Variants in TMEM131 observed in about 807,000 individuals in gnomAD.
TMEM131 encodes the protein transmembrane protein 131.
Under a neutral mutation model 211.6 loss-of-function variants are expected in TMEM131, and 66 were observed. The observed-to-expected ratio is 0.31, with a 90% CI of 0.26 to 0.38. The LOEUF (loss-of-function observed/expected upper bound fraction) is 0.38, where lower values mean the gene tolerates loss of function less well. TMEM131 is among the 10% of genes least tolerant of loss of function. The pLI, the probability that TMEM131 is intolerant of heterozygous loss-of-function variation, is 1.00. For missense variants in TMEM131, 2,036 were observed against 2,299.3 expected (o/e 0.89, Z 2.34); for synonymous variants, 844 against 841.3 (o/e 1.00, Z -0.06).
Position 97,758,923 on chromosome 2 carries a change from G to A in TMEM131, c.5337C>T (p.Ala1779=). The change falls in exon 40 of 41, where the codon GCC becomes GCT. Residue 1779 remains alanine, a synonymous_variant. Transcript: ENST00000186436. Reference sequence around the variant, plus strand: ...CTGTGTGGGTCGGGGAGCCGGAACTGGCTGGCCAGGAAGGACTGGGATCTG... The same window carrying A: ...CTGTGTGGGTCGGGGAGCCGGAACTAGCTGGCCAGGAAGGACTGGGATCTG... ...PATDPSPSWP[A]SSGSPTHTAT... The A allele has an allele frequency of 6.2e-7, 1 of 1,613,568 alleles. No homozygotes were observed. Among genetic ancestry groups the A allele is most frequent in the South Asian group, 1.1e-5 (1 of 91,050 alleles).
In TMEM131 at chr2:97,809,719, G is replaced by C. The variant is rs757387563; in HGVS notation, c.2024C>G (p.Pro675Arg). ...VIAVGSLTCFPKHVVLPPSFP... is the reference protein window; with the variant it reads ...VIAVGSLTCFRKHVVLPPSFP... Reference sequence around the variant, plus strand: ...GGAAGGTGGAAGAACCACGTGCTTAGGGAAGCAGGTCAGTGAGCCTACTGC... The same window carrying C: ...GGAAGGTGGAAGAACCACGTGCTTACGGAAGCAGGTCAGTGAGCCTACTGC... Residue 675 changes from proline to arginine, a missense_variant, in exon 19 of 41, where the codon CCT (proline) becomes CGT (arginine). Physicochemically the swap from Pro to Arg is moderately radical, Grantham distance 103. Around this residue, in one of 3 missense-constraint regions of TMEM131, gnomAD observed 1,623 missense variants for 1,805.9 expected, o/e 0.90. Transcript: ENST00000186436. 28 of 1,610,850 alleles carry C rather than the reference G, an allele frequency of 1.7e-5. No homozygotes were observed. The highest frequency in any genetic ancestry group is 3.4e-5 in the Admixed American group (2 of 59,688).
At chr2:97,976,294 T>C (rs991844906) in intron 1 of TMEM131, among the ~76,000 whole-genome samples, 6 of 152,166 alleles carry the variant, frequency 3.9e-5, no homozygotes, top group Non-Finnish European at 8.8e-5. Context: ...CAATGCAATC[T>C]ACAGAAAAGC....
In TMEM131 at chr2:97,760,891, T is replaced by C. The variant is rs758951140; in HGVS notation, c.4913A>G (p.Asn1638Ser). The C allele has an allele frequency of 2.7e-5, 44 of 1,613,874 alleles. No homozygotes were observed. The South Asian group carries it at 3.3e-4, about 12-fold the overall frequency. Residue 1638 changes from asparagine to serine, a missense_variant, in exon 37 of 41, where the codon AAT becomes AGT. This residue lies in a region of TMEM131 where 1,623 missense variants were observed against 1,805.9 expected (regional missense o/e 0.90). Coordinates refer to ENST00000186436, the MANE Select transcript of TMEM131 (RefSeq NM_015348.2). The part of the protein sequence containing the change: ...SSSDPKIKQP[N>S]GSKHKLTKAA... ...CTTTGTCAACTTGTGTTTGCTTCCA[T>C]TTGGCTGTTTTATTTTAGGGTCACT... is the stretch of plus-strand genomic sequence containing the variant.
intron 1 of TMEM131, among the ~76,000 whole-genome samples, chr2:97,995,161 T>C (rs75740317): frequency 0.042 from 6,422 of 152,320 alleles, 235 homozygotes; most frequent in African/African-American, 0.096. Flanking sequence ...TGTCCTAAAA[T>C]GTACCTATTC....
chr2:97,865,666 G>A (rs536996458), intron 4 of TMEM131, among the ~76,000 whole-genome samples: 40 of 152,196 alleles, frequency 2.6e-4, no homozygotes, highest in South Asian at 2.1e-3. Context: ...GGATTTTTGC[G>A]TCTATATTCA....
intron 1 of TMEM131, among the ~76,000 whole-genome samples, chr2:97,966,015 T>C (rs867129166): frequency 3.3e-5 from 5 of 151,790 alleles, no homozygotes; most frequent in African/African-American, 1.2e-4. Flanking sequence ...AACAAAAAAA[T>C]TGAACAAAAG....
In TMEM131 at chr2:97,796,293, T is replaced by C. The variant is rs1250939186; in HGVS notation, c.3125A>G (p.Glu1042Gly). ...ETIEISGYSC[E>G]GYGFKVVNCQ... ...ATTAACAACTTTAAAGCCATATCCT[T>C]CACATGAGTATCCACTGATTTCAAT... Residue 1042 changes from glutamate (E) to glycine (G), a missense_variant, in exon 28 of 41, where the codon GAA (glutamate) becomes GGA (glycine). Transcript: ENST00000186436. 1.3e-6 allele frequency: 2 copies of C among 1,571,782 alleles called. No individual in the cohort carries two copies. The highest frequency in any genetic ancestry group is 1.7e-6 in the Non-Finnish European group (2 of 1,157,618).
chr2:97,807,308 G>A (rs1157336195), intron 19 of TMEM131, among the ~76,000 whole-genome samples: 1 of 152,164 alleles, frequency 6.6e-6, no homozygotes, highest in Non-Finnish European at 1.5e-5. Flanking sequence ...TGGAGGTGGG[G>A]CCCTATGGAA....
chr2:97,806,796 T>A (rs547639181), intron 19 of TMEM131, among the ~76,000 whole-genome samples: 8 of 152,296 alleles, frequency 5.3e-5, no homozygotes, highest in African/African-American at 1.9e-4. Context: ...ATATTTGGAA[T>A]AAAAAATACA....
At chr2:97,793,190 AT>A (rs1245214758) in intron 30 of TMEM131, 4 of 648,450 alleles carry the variant, frequency 6.2e-6, no homozygotes, top group Non-Finnish European at 5.1e-6. Flanking sequence ...AACTAAAAGT[AT>A]TTTAACCCTT....
At chr2:97,969,705 A>G (rs1679214459) in intron 1 of TMEM131, among the ~76,000 whole-genome samples, 1 of 152,238 alleles carries the variant, frequency 6.6e-6, no homozygotes, top group Admixed American at 6.5e-5. Flanking sequence ...AAATAAAACA[A>G]GTTGATGCAA....
intron 15 of TMEM131, among the ~76,000 whole-genome samples, chr2:97,813,284 G>A (rs1352172973): frequency 6.6e-6 from 1 of 152,162 alleles, no homozygotes; most frequent in East Asian, 1.9e-4. Flanking sequence ...ACTGAAGCAG[G>A]AGCGAGACAT....
chr2:97,916,246 C>A (rs1356540325), intron 2 of TMEM131, among the ~76,000 whole-genome samples: 1 of 152,224 alleles, frequency 6.6e-6, no homozygotes, highest in Non-Finnish European at 1.5e-5. Context: ...GCTATTTATT[C>A]TTCTTTTGTA....
rs374070116 is a variant in TMEM131 at position 97,813,991 on chromosome 2, C to T, written c.1597G>A (p.Val533Ile). Residue 533 changes from valine to isoleucine, a missense_variant, in exon 15 of 41, where the codon GTA becomes ATA. Val to Ile is a conservative substitution (Grantham distance 29). This residue lies in a region of TMEM131 where 1,623 missense variants were observed against 1,805.9 expected (regional missense o/e 0.90). Transcript: ENST00000186436. ...NASKFHLPVR[V>I]YTGFLDYFVL... ...CTTACATCTAAAAAGCCTGTGTATA[C>T]CCGCACGGGTAAATGAAATTTAGAA... 8.8e-6 allele frequency: 14 copies of T among 1,595,844 alleles called. No homozygotes were observed. The highest frequency in any genetic ancestry group is 1.2e-5 in the Non-Finnish European group (14 of 1,170,156).
rs777818194 is a variant in TMEM131 at position 97,793,375 on chromosome 2, T to C, written c.3545+20A>G. The C allele has an allele frequency of 3.1e-6, 5 of 1,597,988 alleles. No individual in the cohort carries two copies. The South Asian group carries it at 5.6e-5, about 18-fold the overall frequency. ...AAATCTATGTACACTAGGGAATTTATTGCCAGCATGTGAACATACTTTCCT... is the reference window on the plus strand; with the variant it reads ...AAATCTATGTACACTAGGGAATTTACTGCCAGCATGTGAACATACTTTCCT... On this transcript the variant is annotated intron_variant, in intron 30 of 40. Coordinates refer to ENST00000186436, the MANE Select transcript of TMEM131 (RefSeq NM_015348.2).
intron 3 of TMEM131, among the ~76,000 whole-genome samples, chr2:97,903,563 C>T (rs1245356372): frequency 1.3e-5 from 2 of 152,154 alleles, no homozygotes; most frequent in Non-Finnish European, 2.9e-5. Context: ...AACAAAGAGA[C>T]GCCAAGTGCT....
chr2:97,987,955 C>T (rs1050538802), intron 1 of TMEM131, among the ~76,000 whole-genome samples: 1 of 152,138 alleles, frequency 6.6e-6, no homozygotes, highest in African/African-American at 2.4e-5. Context: ...TAGAAAAGTG[C>T]ATCCTAAAAT....
At chr2:97,897,717 C>T (rs1014917681) in intron 3 of TMEM131, among the ~76,000 whole-genome samples, 1 of 152,152 alleles carries the variant, frequency 6.6e-6, no homozygotes, top group East Asian at 1.9e-4. Flanking sequence ...TTAATGCCTG[C>T]AATAATCACC....
intron 2 of TMEM131, among the ~76,000 whole-genome samples, chr2:97,921,428 T>C (rs1374025763): frequency 6.6e-6 from 1 of 152,126 alleles, no homozygotes; most frequent in East Asian, 1.9e-4. Flanking sequence ...TTCACGACCT[T>C]GGGATAGAAA....
Sources: allele counts gnomAD v4.1 joint callset (sites outside exome capture counted in the v4.1 genomes callset), GRCh38; gene constraint gnomAD v4.1.1; regional missense constraint gnomAD v4.1.1; transcripts MANE v1.5; gene names NCBI Gene and HGNC (gene_info 2026-07-23, HGNC 2026-07-21).